Variants in EEFSEC observed in about 807,000 individuals in gnomAD.
EEFSEC encodes the protein selenocysteine-specific elongation factor.
A neutral mutation model predicts 42.1 loss-of-function variants in EEFSEC; 43 were observed. The observed-to-expected ratio is 1.02, with a 90% CI of 0.80 to 1.32. The LOEUF is 1.32. Ranked by LOEUF, EEFSEC falls within the 40% of genes most tolerant of loss-of-function variation. EEFSEC has a pLI of 0.00. For synonymous variants in EEFSEC, 354 were observed against 339.1 expected, an observed-to-expected ratio of 1.04 and a Z score of -0.48; for missense variants, 745 against 803.6, an observed-to-expected ratio of 0.93 and a Z score of 0.88.
intron 6 of EEFSEC, among the ~76,000 whole-genome samples, chr3:128,391,336 C>G (rs1310339472): frequency 6.6e-6 from 1 of 152,270 alleles, no homozygotes; most frequent in African/African-American, 2.4e-5. Context: ...GGACAGCAGC[C>G]TCCCATCTGT....
chr3:128,282,954 C>A (rs1004996214), intron 4 of EEFSEC, among the ~76,000 whole-genome samples: 2 of 152,228 alleles, frequency 1.3e-5, no homozygotes, highest in Non-Finnish European at 2.9e-5. Context: ...CGCTGGGCTC[C>A]CTACAACTGT....
chr3:128,315,438 G>A (rs575301610), intron 4 of EEFSEC, among the ~76,000 whole-genome samples: 2 of 152,318 alleles, frequency 1.3e-5, no homozygotes, highest in Admixed American at 1.3e-4. Flanking sequence ...TTATACTCAG[G>A]AAATGGAGGC....
At chr3:128,292,193 C>A (rs1221560806) in intron 4 of EEFSEC, among the ~76,000 whole-genome samples, 1 of 151,782 alleles carries the variant, frequency 6.6e-6, no homozygotes, top group African/African-American at 2.4e-5. Flanking sequence ...AAATATTATT[C>A]TTTTTATATA....
At chr3:128,257,992 A>G (rs974032434) in intron 2 of EEFSEC, among the ~76,000 whole-genome samples, 1 of 152,222 alleles carries the variant, frequency 6.6e-6, no homozygotes, top group Non-Finnish European at 1.5e-5. Flanking sequence ...TTCCATTTAG[A>G]TAGTGGCATG....
At chr3:128,262,869 G>T (rs555867930) in intron 3 of EEFSEC, among the ~76,000 whole-genome samples, 1 of 152,310 alleles carries the variant, frequency 6.6e-6, no homozygotes, top group South Asian at 2.1e-4. Context: ...GAGCCACAGA[G>T]TTCCTCCACA....
chr3:128,188,207 T>C (rs2065484164), intron 1 of EEFSEC, among the ~76,000 whole-genome samples: 1 of 151,922 alleles, frequency 6.6e-6, no homozygotes, highest in African/African-American at 2.4e-5. Flanking sequence ...GGAAATAGAC[T>C]CTCCAGACTG....
intron 4 of EEFSEC, among the ~76,000 whole-genome samples, chr3:128,304,189 A>G (rs531889364): frequency 6.6e-6 from 1 of 151,600 alleles, no homozygotes. Context: ...ATGAACTTTA[A>G]TATTACTTTT....
At chr3:128,406,552 G>A (rs57494895) in intron 6 of EEFSEC, among the ~76,000 whole-genome samples, 1 of 152,190 alleles carries the variant, frequency 6.6e-6, no homozygotes, top group Admixed American at 6.5e-5. Context: ...GTGAGGTGAT[G>A]AATGTGTTAA....
chr3:128,312,315 T>C (rs1276648483), intron 4 of EEFSEC, among the ~76,000 whole-genome samples: 1 of 152,218 alleles, frequency 6.6e-6, no homozygotes, highest in Admixed American at 6.5e-5. Flanking sequence ...CAGTGCTGGG[T>C]CTCAGACAGG....
At chr3:128,297,914 G>C (rs2066725714) in intron 4 of EEFSEC, among the ~76,000 whole-genome samples, 1 of 152,108 alleles carries the variant, frequency 6.6e-6, no homozygotes, top group African/African-American at 2.4e-5. Context: ...GTACTTCCTG[G>C]ATGCCTCTGG....
chr3:128,374,039 G>A (rs1293404035), intron 6 of EEFSEC, among the ~76,000 whole-genome samples: 2 of 152,176 alleles, frequency 1.3e-5, no homozygotes, highest in African/African-American at 4.8e-5. Flanking sequence ...GACCAGCCCC[G>A]CTGCCTCCCT....
intron 4 of EEFSEC, among the ~76,000 whole-genome samples, chr3:128,286,022 T>G (rs2066581544): frequency 6.6e-6 from 1 of 152,274 alleles, no homozygotes; most frequent in South Asian, 2.1e-4. Flanking sequence ...CATGCATGTG[T>G]GTACAGCATT....
intron 1 of EEFSEC, among the ~76,000 whole-genome samples, chr3:128,166,123 C>T (rs534131477): frequency 6.6e-6 from 1 of 152,294 alleles, no homozygotes; most frequent in South Asian, 2.1e-4. Context: ...AGAAGGACTC[C>T]ATTTCTTCGG....
chr3:128,418,023 G>A, the EEFSEC span, among the ~76,000 whole-genome samples: 58 of 152,052 alleles, frequency 3.8e-4, no homozygotes, highest in African/African-American at 1.3e-3. Flanking sequence ...TCACTCCTCC[G>A]CTCCCCAAAG....
chr3:128,314,089 A>G (rs1307090613), intron 4 of EEFSEC, among the ~76,000 whole-genome samples: 1 of 152,188 alleles, frequency 6.6e-6, no homozygotes, highest in East Asian at 1.9e-4. Context: ...ATCTACCGTA[A>G]GGACATGCTG....
chr3:128,333,617 A>G (rs989034267), intron 4 of EEFSEC, among the ~76,000 whole-genome samples: 2 of 152,232 alleles, frequency 1.3e-5, no homozygotes, highest in African/African-American at 4.8e-5. Context: ...TCCCCATCAT[A>G]GGTATCCAAC....
chr3:128,297,420 T>A (rs1473026301), intron 4 of EEFSEC, among the ~76,000 whole-genome samples: 1 of 152,100 alleles, frequency 6.6e-6, no homozygotes, highest in East Asian at 1.9e-4. Flanking sequence ...AAGGAGAGAT[T>A]AAAGAACCTT....
chr3:128,343,505 C>A (rs970392833), intron 5 of EEFSEC, among the ~76,000 whole-genome samples: 1 of 152,170 alleles, frequency 6.6e-6, no homozygotes, highest in Non-Finnish European at 1.5e-5. Context: ...TTAGGCCAGC[C>A]CCAAGATGCT....
intron 6 of EEFSEC, among the ~76,000 whole-genome samples, chr3:128,381,598 G>T (rs1483946024): frequency 6.6e-6 from 1 of 152,196 alleles, no homozygotes. Flanking sequence ...CTCAGCTCAG[G>T]CTAGGACTCA....
Sources: allele counts gnomAD v4.1 joint callset (sites outside exome capture counted in the v4.1 genomes callset), GRCh38; gene constraint gnomAD v4.1.1; transcripts MANE v1.5; gene names NCBI Gene and HGNC (gene_info 2026-07-23, HGNC 2026-07-21).